The following MAN2B2 variants were observed in gnomAD, a reference collection of about 807,000 sequenced individuals.
MAN2B2 encodes mannosidase alpha class 2B member 2.
Under a neutral mutation model 117.1 loss-of-function variants are expected in MAN2B2, and 106 were observed. That is an observed-to-expected ratio of 0.90 (90% confidence interval 0.77 to 1.06). The LOEUF is 1.06. Among genes scored for constraint, MAN2B2 ranks in the 50% least tolerant of loss-of-function variants. MAN2B2 has a pLI of 0.00. For synonymous variants in MAN2B2, 544 were observed against 595.1 expected (o/e 0.91, Z 1.25); for missense variants, 1,326 against 1,381.4 (o/e 0.96, Z 0.64).
intron 6 of MAN2B2, among the ~76,000 whole-genome samples, chr4:6,593,865 C>T (rs1726960952): frequency 6.6e-6 from 1 of 152,158 alleles, no homozygotes; most frequent in Non-Finnish European, 1.5e-5. Flanking sequence ...AGGCTGGTAT[C>T]CATTTCACAG....
intron 15 of MAN2B2, among the ~76,000 whole-genome samples, chr4:6,613,864 A>G (rs531315258): frequency 7.9e-5 from 12 of 152,110 alleles, no homozygotes; most frequent in Non-Finnish European, 1.5e-4. Context: ...GAAGGAAAAA[A>G]ACGAAGGAAG....
intron 5 of MAN2B2, 143 bp from the exon 6 acceptor site, chr4:6,593,030 G>A (rs1013246719): frequency 1.9e-5 from 14 of 735,820 alleles, no homozygotes; most frequent in African/African-American, 9.2e-5. Context: ...GTGACCCACC[G>A]TCGGTCATGG....
At chr4:6,605,926 T>C (rs183378381) in intron 11 of MAN2B2, among the ~76,000 whole-genome samples, 3 of 152,274 alleles carry the variant, frequency 2.0e-5, no homozygotes, top group Admixed American at 2.0e-4. Context: ...CATTCATTCA[T>C]TCATTCATTC....
chr4:6,617,827 C>T (rs980126432), intron 17 of MAN2B2: 4 of 239,610 alleles, frequency 1.7e-5, no homozygotes, highest in South Asian at 1.1e-4. Context: ...ATCACAGGGG[C>T]GCGCCACCAC....
intron 2 of MAN2B2, 85 bp downstream of exon 2, chr4:6,576,809 GGCCA>G (rs1277105369): frequency 9.9e-5 from 151 of 1,526,924 alleles, no homozygotes; most frequent in Non-Finnish European, 2.7e-6. Context: ...TTCTAGCCAG[GGCCA>G]GGGCCAGGCT....
At chr4:6,579,076 C>T (rs1337615666) in intron 3 of MAN2B2, among the ~76,000 whole-genome samples, 3 of 82,842 alleles carry the variant, frequency 3.6e-5, no homozygotes, top group African/African-American at 6.3e-5. Flanking sequence ...CCATCACCAC[C>T]ACCACCACCA....
chr4:6,594,800 C>A, intron 7 of MAN2B2, 68 bp downstream of exon 7: 1 of 1,473,680 alleles, frequency 6.8e-7, no homozygotes, highest in Non-Finnish European at 9.2e-7. Context: ...TACCCTCTGC[C>A]CACTTCAGTG....
At position 6,605,084 on chromosome 4, in the gene MAN2B2, G is replaced by A. The variant is rs552839023; in HGVS notation, c.1569G>A (p.Ala523=). The change falls in exon 11 of 19, where the codon GCG becomes GCA. Residue 523 remains alanine, a synonymous_variant. Coordinates refer to ENST00000285599, the MANE Select transcript of MAN2B2 (RefSeq NM_015274.3). ...QIQNSTETPS[A]YDLLILTTIP... ...AGAACTCAACAGAGACCCCATCTGC[G>A]TATGACCTGCTTATTCTGACCACAA... The A allele has an allele frequency of 7.5e-5, 121 of 1,613,952 alleles. No individual in the cohort carries two copies. The highest frequency in any genetic ancestry group is 1.3e-4 in the East Asian group (6 of 44,898).
chr4:6,592,428 G>A (rs1480518135), intron 5 of MAN2B2, among the ~76,000 whole-genome samples: 1 of 152,154 alleles, frequency 6.6e-6, no homozygotes, highest in Non-Finnish European at 1.5e-5. Context: ...AGACCAGCCT[G>A]GGCCACAGAG....
At chr4:6,617,120 A>T (rs1711917307) in intron 16 of MAN2B2, among the ~76,000 whole-genome samples, 1 of 152,142 alleles carries the variant, frequency 6.6e-6, no homozygotes, top group Non-Finnish European at 1.5e-5. Flanking sequence ...GTCTCATGAG[A>T]CTTATTCACT....
Position 6,609,988 on chromosome 4 carries a change from A to G in MAN2B2, c.2197A>G (p.Asn733Asp). 1.9e-6 allele frequency: 3 copies of G among 1,614,156 alleles called. No individual in the cohort carries two copies. Among genetic ancestry groups the G allele is most frequent in the Non-Finnish European group, 2.5e-6 (3 of 1,180,016 alleles). Residue 733 changes from asparagine to aspartate, a missense_variant, in exon 13 of 19, where the codon AAC (asparagine) becomes GAC (aspartate). Asn to Asp is a conservative substitution (Grantham distance 23). Coordinates refer to ENST00000285599, the MANE Select transcript of MAN2B2 (RefSeq NM_015274.3). ...LNSQQVIYSD[N>D]NGYQMQRRPY... ...CAGCCAGCAGGTCATCTACTCAGAC[A>G]ACAACGGCTACCAGATGCAGCGGAG...
At chr4:6,579,289 T>TACCAC (rs1726294004) in intron 3 of MAN2B2, among the ~76,000 whole-genome samples, 1 of 14,854 alleles carries the variant, frequency 6.7e-5, no homozygotes, top group African/African-American at 2.2e-4. Context: ...ACCATCACCA[T>TACCAC]CACCACCACC....
intron 12 of MAN2B2, chr4:6,609,550 C>A: frequency 1.6e-6 from 1 of 627,312 alleles, no homozygotes; most frequent in Non-Finnish European, 2.8e-6. Flanking sequence ...CACAGAGCAC[C>A]TGTTCTTCCA....
rs558362025 is a variant in MAN2B2, at chr4:6,616,603, T to C, written c.2702-777T>C. 2.6e-5 allele frequency among the ~76,000 whole-genome samples: 4 copies of C among 152,296 alleles called. No homozygotes were observed. The East Asian group carries it at 7.7e-4, about 29-fold the overall frequency. ...AGAAAAAGCTTCTGCCGGGAAGTAC[T>C]GCGTCACTTCAGCTCACTTTGCATT... On this transcript the variant is annotated intron_variant, in intron 16 of 18. Coordinates refer to ENST00000285599, the MANE Select transcript of MAN2B2 (RefSeq NM_015274.3).
chr4:6,600,745 G>A lies in MAN2B2; in HGVS notation c.1528G>A (p.Val510Met), dbSNP rs771676955. Residue 510 changes from valine to methionine, a missense_variant, in exon 10 of 19, where the codon GTG (valine) becomes ATG (methionine). By Grantham distance (21) the Val-to-Met change is conservative. Transcript: ENST00000285599. ...CGTCACAGATGAGGCGGGCCACCCA[G>A]TGCCCTCGCAGGTATGGACACAAAA... ...VRVTDEAGHP[V>M]PSQIQNSTET... The A allele has an allele frequency of 6.2e-7, 1 of 1,613,506 alleles. No individual in the cohort carries two copies. Among genetic ancestry groups the A allele is most frequent in the African/African-American group, 1.3e-5 (1 of 75,028 alleles).
chr4:6,609,700 T>TG, intron 12 of MAN2B2, 98 bp from the exon 13 acceptor site: 1 of 539,476 alleles, frequency 1.9e-6, no homozygotes. Context: ...CGGCGTACCC[T>TG]GCCCTGCCCA....
intron 3 of MAN2B2, among the ~76,000 whole-genome samples, chr4:6,579,165 C>T (rs796597123): frequency 3.6e-4 from 19 of 53,058 alleles, no homozygotes; most frequent in East Asian, 9.6e-4. Flanking sequence ...ACCATCACCA[C>T]CACCACCACC....
Position 6,587,006 on chromosome 4 carries a change from G to T in MAN2B2, c.402G>T (p.Gly134=). 6.2e-7 allele frequency: 1 copy of T among 1,613,702 alleles called. No homozygotes were observed. Among genetic ancestry groups the T allele is most frequent in the Non-Finnish European group, 8.5e-7 (1 of 1,179,840 alleles). ...DQILQLTEGH[G]FLYETFGIRP... ...TTGCTGTCTTTGCAGAAGGACACGG[G>T]TTTCTCTATGAAACATTTGGGATCC... Residue 134 remains glycine (G), a synonymous_variant, in exon 4 of 19, where the codon GGG becomes GGT. Transcript: ENST00000285599.
chr4:6,587,202 G>A (rs370398754), intron 4 of MAN2B2, 34 bp downstream of exon 4: 40 of 1,599,562 alleles, frequency 2.5e-5, no homozygotes, highest in Non-Finnish European at 3.2e-5. Context: ...GCCGCCCAGC[G>A]ACCGCTCCTC....
Sources: gnomAD v4.1 joint callset for allele counts (sites outside exome capture counted in the v4.1 genomes callset) on GRCh38, gnomAD v4.1.1 for gene constraint, MANE v1.5 for transcripts, NCBI Gene and HGNC (gene_info 2026-07-23, HGNC 2026-07-21) for gene names.